The following INPP4B variants were observed in gnomAD, a reference collection of about 807,000 sequenced individuals.
INPP4B encodes the protein inositol polyphosphate-4-phosphatase type II B, also known as inositol polyphosphate 4-phosphatase type II.
INPP4B carries 55 observed loss-of-function variants against 122.5 expected under a neutral mutation model. That is an observed-to-expected ratio of 0.45 (90% CI 0.36 to 0.56). INPP4B has a LOEUF of 0.56. Ranked by LOEUF, INPP4B falls within the 20% of genes least tolerant of loss-of-function variation. INPP4B has a pLI of 0.00. For missense variants in INPP4B, 1,000 were observed against 1,097.7 expected (o/e 0.91, Z 1.26); for synonymous variants, 403 against 388.7 (o/e 1.04, Z -0.43).
chr4:142,303,372 T>TG (rs2151158785), intron 9 of INPP4B, among the ~76,000 whole-genome samples: 1 of 152,278 alleles, frequency 6.6e-6, no homozygotes, highest in East Asian at 1.9e-4. Flanking sequence ...GAATTTGTTT[T>TG]ACAGAAATCA....
At chr4:142,676,981 T>A (rs76049982) in intron 2 of INPP4B, among the ~76,000 whole-genome samples, 130,175 of 152,144 alleles carry the variant, frequency 0.86, 55,746 homozygotes, top group African/African-American at 0.9. Flanking sequence ...CAAACGCCAA[T>A]ATTGACAAAT....
chr4:142,067,831 T>C (rs2152466449), intron 25 of INPP4B, among the ~76,000 whole-genome samples: 1 of 152,128 alleles, frequency 6.6e-6, no homozygotes, highest in South Asian at 2.1e-4. Flanking sequence ...TCGGACTATG[T>C]GAAAAGACCA....
intron 7 of INPP4B, among the ~76,000 whole-genome samples, chr4:142,348,342 C>T (rs1224000831): frequency 6.6e-6 from 1 of 151,974 alleles, no homozygotes; most frequent in East Asian, 1.9e-4. Flanking sequence ...AAGGCATCCA[C>T]CATTCAGTCA....
chr4:142,199,059 T>C (rs1156846086), intron 14 of INPP4B, among the ~76,000 whole-genome samples: 3 of 152,110 alleles, frequency 2.0e-5, no homozygotes, highest in Non-Finnish European at 4.4e-5. Context: ...GTATTAGTTT[T>C]CGTATCACAT....
chr4:142,126,387 T>A (rs184768078), intron 18 of INPP4B, among the ~76,000 whole-genome samples: 2 of 152,116 alleles, frequency 1.3e-5, no homozygotes, highest in Non-Finnish European at 2.9e-5. Context: ...GTACCATGTC[T>A]ACTGTCACTT....
At chr4:142,259,981 T>C (rs1301494163) in intron 11 of INPP4B, among the ~76,000 whole-genome samples, 2 of 151,692 alleles carry the variant, frequency 1.3e-5, no homozygotes, top group African/African-American at 4.8e-5. Context: ...ACATGATATT[T>C]GTTTTTTGTT....
intron 9 of INPP4B, chr4:142,286,850 T>A (rs1367370812): frequency 1.3e-5 from 2 of 152,116 alleles, no homozygotes; most frequent in Non-Finnish European, 2.9e-5. Context: ...TTGTTTTAGC[T>A]GCTTGATCAA....
intron 2 of INPP4B, among the ~76,000 whole-genome samples, chr4:142,709,012 C>T (rs958147299): frequency 1.1e-4 from 16 of 152,108 alleles, no homozygotes; most frequent in Non-Finnish European, 1.3e-4. Flanking sequence ...GCCTTGGGAG[C>T]CCATCCCTTG....
At chr4:142,361,345 G>A (rs1471526063) in intron 7 of INPP4B, among the ~76,000 whole-genome samples, 4 of 151,908 alleles carry the variant, frequency 2.6e-5, no homozygotes, top group Non-Finnish European at 4.4e-5. Flanking sequence ...TCTGAAACTA[G>A]CCTAATCTGT....
At chr4:142,836,283 A>G (rs1391585949) in intron 1 of INPP4B, among the ~76,000 whole-genome samples, 1 of 152,036 alleles carries the variant, frequency 6.6e-6, no homozygotes, top group Non-Finnish European at 1.5e-5. Context: ...ACAAACACAC[A>G]CACACATCAG....
chr4:142,091,863 C>T (rs1049966063), intron 23 of INPP4B, among the ~76,000 whole-genome samples: 3 of 152,142 alleles, frequency 2.0e-5, no homozygotes, highest in Non-Finnish European at 4.4e-5. Context: ...GGCCAAATAA[C>T]TGTGTGGCCA....
At chr4:142,069,519 G>C (rs336370) in intron 25 of INPP4B, among the ~76,000 whole-genome samples, 139,439 of 152,200 alleles carry the variant, frequency 0.92, 64,631 homozygotes, top group Non-Finnish European at 0.98. Context: ...ACAAAAAACC[G>C]TTCAAAAAAA....
intron 2 of INPP4B, chr4:142,654,577 G>C (rs1753778518): frequency 6.6e-6 from 1 of 152,016 alleles, no homozygotes; most frequent in Non-Finnish European, 1.5e-5. Flanking sequence ...CAAGAGGCTT[G>C]CTTGATTACA....
At chr4:142,800,685 C>T (rs1777888450) in intron 1 of INPP4B, among the ~76,000 whole-genome samples, 1 of 152,006 alleles carries the variant, frequency 6.6e-6, no homozygotes, top group Admixed American at 6.6e-5. Context: ...CCTAAAACAC[C>T]ACAGGATGTT....
intron 7 of INPP4B, among the ~76,000 whole-genome samples, chr4:142,339,849 GC>G (rs1778072567): frequency 6.6e-6 from 1 of 151,780 alleles, no homozygotes; most frequent in Admixed American, 6.6e-5. Context: ...ATTTTCTCAT[GC>G]TTTGATGTAG....
chr4:142,782,539 A>G (rs1775030338), intron 1 of INPP4B, among the ~76,000 whole-genome samples: 1 of 151,542 alleles, frequency 6.6e-6, no homozygotes, highest in African/African-American at 2.4e-5. Flanking sequence ...CTAGTTCTAG[A>G]TCCCTGAGGA....
intron 23 of INPP4B, among the ~76,000 whole-genome samples, chr4:142,105,493 T>G (rs1786576081): frequency 6.6e-6 from 1 of 152,128 alleles, no homozygotes. Flanking sequence ...GGAAGAATAT[T>G]TAGTCCACAA....
At chr4:142,175,009 A>T (rs527265478) in intron 15 of INPP4B, among the ~76,000 whole-genome samples, 13 of 152,104 alleles carry the variant, frequency 8.5e-5, no homozygotes, top group Non-Finnish European at 1.6e-4. Flanking sequence ...GATCCATTTC[A>T]TCAGGAAGAG....
chr4:142,262,250 G>A (rs1219289309), intron 10 of INPP4B, among the ~76,000 whole-genome samples: 1 of 152,028 alleles, frequency 6.6e-6, no homozygotes, highest in African/African-American at 2.4e-5. Context: ...GGGAGTACAC[G>A]ATCTGTTTCT....
Sources: allele counts gnomAD v4.1 joint callset (sites outside exome capture counted in the v4.1 genomes callset), GRCh38; gene constraint gnomAD v4.1.1; transcripts MANE v1.5; gene names NCBI Gene and HGNC (gene_info 2026-07-23, HGNC 2026-07-21).